FAF1: variants seen among roughly 807,000 people sequenced by gnomAD.
FAF1 encodes the protein FAS-associated factor 1.
FAF1 carries 25 observed loss-of-function variants against 92.5 expected under a neutral mutation model. The ratio of observed to expected loss-of-function variants is 0.27; its 90% confidence interval spans 0.20 to 0.38. The LOEUF is 0.38. FAF1 is among the 10% of genes least tolerant of loss of function. FAF1 has a pLI of 1.00. For synonymous variants in FAF1, 234 were observed against 273.2 expected (o/e 0.86, Z 1.42); for missense variants, 636 against 793.3 (o/e 0.80, Z 2.38).
chr1:50,630,175 A>G (rs1431773470), intron 8 of FAF1, among the ~76,000 whole-genome samples: 2 of 152,202 alleles, frequency 1.3e-5, no homozygotes, highest in African/African-American at 4.8e-5. Flanking sequence ...ATAATACAGA[A>G]GTCAAGAGAA....
chr1:50,471,015 CTCT>C (rs1180640382), intron 18 of FAF1: 1 of 152,226 alleles, frequency 6.6e-6, no homozygotes, highest in Non-Finnish European at 1.5e-5. Context: ...ATAACGTGAA[CTCT>C]TCAAGGTCAG....
intron 4 of FAF1, among the ~76,000 whole-genome samples, chr1:50,782,590 AG>A (rs1158837181): frequency 6.6e-6 from 1 of 152,092 alleles, no homozygotes; most frequent in African/African-American, 2.4e-5. Flanking sequence ...TATGTTACCC[AG>A]GCTGGTCTCA....
intron 8 of FAF1, among the ~76,000 whole-genome samples, chr1:50,651,910 A>G (rs1654881920): frequency 6.6e-6 from 1 of 152,214 alleles, no homozygotes; most frequent in Non-Finnish European, 1.5e-5. Flanking sequence ...TTTGGCCAGG[A>G]TCTCCTCAGA....
intron 1 of FAF1, among the ~76,000 whole-genome samples, chr1:50,892,237 T>C (rs536789586): frequency 6.6e-6 from 1 of 152,256 alleles, no homozygotes; most frequent in African/African-American, 2.4e-5. Flanking sequence ...AGTGACCCAA[T>C]TTTCTAGGTG....
chr1:50,626,105 A>G (rs1261572959), intron 8 of FAF1, among the ~76,000 whole-genome samples: 1 of 152,182 alleles, frequency 6.6e-6, no homozygotes, highest in Non-Finnish European at 1.5e-5. Flanking sequence ...GGAAGAATCT[A>G]TCTGCTTGGG....
At chr1:50,624,916 T>TC (rs1653422858) in intron 8 of FAF1, among the ~76,000 whole-genome samples, 1 of 149,532 alleles carries the variant, frequency 6.7e-6, no homozygotes, top group Admixed American at 6.6e-5. Flanking sequence ...TTTTTTTTTT[T>TC]TTGAGAAGCA....
intron 18 of FAF1, among the ~76,000 whole-genome samples, chr1:50,471,460 G>A (rs1646571116): frequency 6.6e-6 from 1 of 152,190 alleles, no homozygotes; most frequent in African/African-American, 2.4e-5. Flanking sequence ...TCATTCTCCT[G>A]TTCCTTTAAG....
intron 1 of FAF1, among the ~76,000 whole-genome samples, chr1:50,909,414 G>GT (rs2124719537): frequency 6.6e-6 from 1 of 152,316 alleles, no homozygotes; most frequent in East Asian, 1.9e-4. Flanking sequence ...GAATTTGAAT[G>GT]TTGGCCTGCC....
chr1:50,552,221 C>G (rs868368206), intron 13 of FAF1, among the ~76,000 whole-genome samples: 1 of 149,620 alleles, frequency 6.7e-6, no homozygotes, highest in African/African-American at 2.5e-5. Context: ...AGCTTGAACC[C>G]GGGAGGTGGA....
intron 1 of FAF1, among the ~76,000 whole-genome samples, chr1:50,886,741 G>C (rs1448281045): frequency 6.6e-6 from 1 of 152,164 alleles, no homozygotes. Context: ...GTATTCAATG[G>C]TGTATATGTG....
chr1:50,546,560 T>C (rs2149044013), intron 13 of FAF1, among the ~76,000 whole-genome samples: 2 of 152,106 alleles, frequency 1.3e-5, no homozygotes, highest in Middle Eastern at 6.8e-3. Flanking sequence ...GAGATGGGGT[T>C]TCACCATGTT....
At chr1:50,821,825 T>C (rs1350850080) in intron 2 of FAF1, among the ~76,000 whole-genome samples, 2 of 152,132 alleles carry the variant, frequency 1.3e-5, no homozygotes, top group Admixed American at 1.3e-4. Flanking sequence ...ACAAATGGTT[T>C]TCAATCAAAA....
intron 8 of FAF1, among the ~76,000 whole-genome samples, chr1:50,601,643 C>T (rs1652134731): frequency 6.6e-6 from 1 of 151,988 alleles, no homozygotes; most frequent in Non-Finnish European, 1.5e-5. Context: ...GATTGAGCCG[C>T]TGCACTCCAG....
intron 1 of FAF1, among the ~76,000 whole-genome samples, chr1:50,911,037 G>C (rs1354488063): frequency 6.6e-6 from 1 of 151,766 alleles, no homozygotes; most frequent in Non-Finnish European, 1.5e-5. Context: ...TTTCTCCTAA[G>C]GTAACCACTA....
Position 50,959,750 on chromosome 1 carries a change from AG to A in FAF1, c.45+16del. 1.3e-6 allele frequency: 2 copies of A among 1,598,514 alleles called. No homozygotes were observed. The highest frequency in any genetic ancestry group is 4.6e-5 in the East Asian group (2 of 43,196). On this transcript the variant is annotated intron_variant, in intron 1 of 18. Coordinates refer to ENST00000396153, the MANE Select transcript of FAF1 (RefSeq NM_007051.3). ...ACGAGGTTGGAAGTGGGAGGGGAAG[AG>A]GGCCAGATACTTCACCTGAAAATCC...
intron 4 of FAF1, among the ~76,000 whole-genome samples, chr1:50,759,407 T>G (rs1396393838): frequency 1.3e-5 from 2 of 150,078 alleles, no homozygotes; most frequent in African/African-American, 4.9e-5. Flanking sequence ...CAGTGTTTGG[T>G]TTTTTGTTCT....
chr1:50,762,982 G>A (rs780315492), intron 4 of FAF1, among the ~76,000 whole-genome samples: 10 of 152,116 alleles, frequency 6.6e-5, no homozygotes, highest in East Asian at 1.9e-4. Context: ...TAGGCCAGGC[G>A]CGTTGGCTCA....
chr1:50,856,149 A>C (rs1644389226), intron 2 of FAF1, among the ~76,000 whole-genome samples: 1 of 151,732 alleles, frequency 6.6e-6, no homozygotes, highest in African/African-American at 2.4e-5. Context: ...CAAAACTGGT[A>C]ATTCCTCCAT....
chr1:50,524,566 G>A (rs2149031636), intron 15 of FAF1, among the ~76,000 whole-genome samples: 1 of 152,228 alleles, frequency 6.6e-6, no homozygotes, highest in South Asian at 2.1e-4. Flanking sequence ...TTTGTATATG[G>A]TGTAAGGAAA....
Sources: gnomAD v4.1 joint callset for allele counts (sites outside exome capture counted in the v4.1 genomes callset) on GRCh38, gnomAD v4.1.1 for gene constraint, MANE v1.5 for transcripts, NCBI Gene and HGNC (gene_info 2026-07-23, HGNC 2026-07-21) for gene names.